GLIS3: variants seen among roughly 807,000 people sequenced by gnomAD.
GLIS3 encodes GLIS family zinc finger 3, also known as zinc finger protein GLIS3.
Under a neutral mutation model 78.6 loss-of-function variants are expected in GLIS3, and 53 were observed. The observed-to-expected ratio is 0.67, with a 90% CI of 0.54 to 0.85. The LOEUF is 0.85. Among genes scored for constraint, GLIS3 ranks in the 40% least tolerant of loss-of-function variants. GLIS3 has a pLI of 0.00. For synonymous variants in GLIS3, 684 were observed against 509.9 expected (o/e 1.34, Z -4.60); for missense variants, 1,703 against 1,231.1 (o/e 1.38, Z -5.74).
intron 4 of GLIS3, among the ~76,000 whole-genome samples, chr9:4,092,400 C>T (rs941018085): frequency 2.0e-5 from 3 of 152,052 alleles, no homozygotes; most frequent in African/African-American, 7.2e-5. Context: ...GATCCGCCTG[C>T]CTCAGCCTCC....
At chr9:4,412,538 G>A in the GLIS3 span, among the ~76,000 whole-genome samples, 31 of 152,194 alleles carry the variant, frequency 2.0e-4, no homozygotes, top group African/African-American at 7.5e-4. Flanking sequence ...CTAGACTTAG[G>A]GACATGGATT....
intron 2 of GLIS3, among the ~76,000 whole-genome samples, chr9:4,172,089 A>T (rs1417257822): frequency 6.6e-6 from 1 of 152,188 alleles, no homozygotes; most frequent in Non-Finnish European, 1.5e-5. Flanking sequence ...TTAAGGCTAT[A>T]TGAGAAATGA....
intron 2 of GLIS3, among the ~76,000 whole-genome samples, chr9:4,181,921 T>C (rs1441715339): frequency 6.6e-6 from 1 of 152,142 alleles, no homozygotes; most frequent in African/African-American, 2.4e-5. Context: ...GCCCAGACCA[T>C]AAGAAGCACT....
At chr9:4,182,364 G>A (rs947752179) in intron 2 of GLIS3, among the ~76,000 whole-genome samples, 2 of 152,252 alleles carry the variant, frequency 1.3e-5, no homozygotes, top group East Asian at 1.9e-4. Flanking sequence ...CTCTTAAATT[G>A]CCTGCATGGC....
chr9:3,948,592 A>G (rs1816456217), intron 4 of GLIS3, among the ~76,000 whole-genome samples: 1 of 152,166 alleles, frequency 6.6e-6, no homozygotes, highest in African/African-American at 2.4e-5. Flanking sequence ...ACCTGACTCA[A>G]GTGATCCCAG....
chr9:4,057,385 T>A (rs1442792154), intron 4 of GLIS3, among the ~76,000 whole-genome samples: 1 of 152,150 alleles, frequency 6.6e-6, no homozygotes, highest in Admixed American at 6.6e-5. Flanking sequence ...GGTGGATCCA[T>A]CCCTAATAAA....
chr9:4,286,849 T>C (rs1563901053), intron 1 of GLIS3, among the ~76,000 whole-genome samples: 1 of 152,238 alleles, frequency 6.6e-6, no homozygotes, highest in South Asian at 2.1e-4. Flanking sequence ...GATCTGTCCA[T>C]ACTAGTTCAC....
chr9:4,454,682 A>T, the GLIS3 span, among the ~76,000 whole-genome samples: 2 of 152,144 alleles, frequency 1.3e-5, no homozygotes, highest in East Asian at 3.9e-4. Context: ...ACTCTCCTCT[A>T]TTGCAGGGAA....
intron 1 of GLIS3, among the ~76,000 whole-genome samples, chr9:4,294,132 C>G (rs140351034): frequency 1.3e-5 from 2 of 152,324 alleles, no homozygotes; most frequent in African/African-American, 4.8e-5. Flanking sequence ...CCACTTTAGG[C>G]CCTCCTTGAT....
chr9:3,930,265 T>G (rs1418636384), intron 6 of GLIS3, among the ~76,000 whole-genome samples: 1 of 152,210 alleles, frequency 6.6e-6, no homozygotes, highest in African/African-American at 2.4e-5. Flanking sequence ...ATTCAACCAC[T>G]TGCAGAAAAC....
intron 4 of GLIS3, among the ~76,000 whole-genome samples, chr9:3,989,966 C>G (rs1377421168): frequency 1.3e-5 from 2 of 152,108 alleles, no homozygotes; most frequent in African/African-American, 4.8e-5. Flanking sequence ...CAGAGTTTTG[C>G]AAAATACTAA....
intron 4 of GLIS3, among the ~76,000 whole-genome samples, chr9:4,056,991 C>A (rs1826207257): frequency 6.6e-6 from 1 of 151,126 alleles, no homozygotes; most frequent in Admixed American, 6.6e-5. Context: ...AATCGTGCCC[C>A]CTAGAATTAT....
chr9:4,391,529 G>C, the GLIS3 span, among the ~76,000 whole-genome samples: 1 of 150,494 alleles, frequency 6.6e-6, no homozygotes, highest in African/African-American at 2.5e-5. Context: ...CTCATTGCTA[G>C]ATTTATTCCA....
At chr9:4,336,253 T>C (rs7856787) in intron 2 of GLIS3, among the ~76,000 whole-genome samples, 149,017 of 152,290 alleles carry the variant, frequency 0.98, 72,995 homozygotes, top group South Asian at 1. Context: ...TGGCCACATG[T>C]GATATATGGG....
At chr9:4,233,798 G>A (rs1035549855) in intron 2 of GLIS3, among the ~76,000 whole-genome samples, 4 of 152,164 alleles carry the variant, frequency 2.6e-5, no homozygotes, top group Admixed American at 2.0e-4. Context: ...TCCAATAGAA[G>A]GCTGTTTTAT....
At chr9:4,351,396 CAAAAAAAA>C (rs5896064), upstream of GLIS3, among the ~76,000 whole-genome samples, 1 of 113,462 alleles carries the variant, frequency 8.8e-6, no homozygotes, top group Non-Finnish European at 1.9e-5. Context: ...CAGAGTGTCT[CAAAAAAAA>C]AAAAAAAAAA....
intron 2 of GLIS3, among the ~76,000 whole-genome samples, chr9:4,261,519 T>G (rs60226728): frequency 6.6e-6 from 1 of 152,140 alleles, no homozygotes; most frequent in Non-Finnish European, 1.5e-5. Context: ...TTTTTCTTAC[T>G]GCTCAGAGTA....
chr9:4,150,059 C>T (rs528862399), intron 2 of GLIS3, among the ~76,000 whole-genome samples: 1 of 152,076 alleles, frequency 6.6e-6, no homozygotes, highest in Non-Finnish European at 1.5e-5. Context: ...CACACACACA[C>T]AGATGAGCAC....
At chr9:4,297,674 C>T (rs919664739) in intron 1 of GLIS3, among the ~76,000 whole-genome samples, 2 of 152,296 alleles carry the variant, frequency 1.3e-5, no homozygotes, top group African/African-American at 4.8e-5. Flanking sequence ...GGAAGCACCT[C>T]CCTACCCCTT....
Sources: allele counts gnomAD v4.1 joint callset (sites outside exome capture counted in the v4.1 genomes callset), GRCh38; gene constraint gnomAD v4.1.1; transcripts MANE v1.5; gene names NCBI Gene and HGNC (gene_info 2026-07-23, HGNC 2026-07-21).